The following POLA2 variants were observed in gnomAD, a reference collection of about 807,000 sequenced individuals.
POLA2 encodes the protein DNA polymerase alpha 2, accessory subunit, also known as DNA polymerase alpha subunit B.
A neutral mutation model predicts 82.8 loss-of-function variants in POLA2; 47 were observed. The observed-to-expected ratio is 0.57, with a 90% CI of 0.45 to 0.72. The LOEUF (loss-of-function observed/expected upper bound fraction) is 0.72. Ranked by LOEUF, POLA2 falls within the 30% of genes least tolerant of loss-of-function variation. POLA2 has a pLI of 0.00. For synonymous variants in POLA2, 287 were observed against 286.8 expected, an observed-to-expected ratio of 1.00 and a Z score of -0.01; for missense variants, 634 against 728.1, an observed-to-expected ratio of 0.87 and a Z score of 1.49.
intron 13 of POLA2, among the ~76,000 whole-genome samples, chr11:65,293,503 G>A (rs944718751): frequency 2.0e-5 from 3 of 151,730 alleles, no homozygotes; most frequent in Non-Finnish European, 2.9e-5. Context: ...GTAGCTACTC[G>A]GGAGGCTGAG....
chr11:65,299,751 G>T (rs901101127), downstream of POLA2, among the ~76,000 whole-genome samples: 1 of 152,196 alleles, frequency 6.6e-6, no homozygotes, highest in Non-Finnish European at 1.5e-5. Flanking sequence ...GAGTGCAGTG[G>T]CGCGATCTCG....
intron 1 of POLA2, among the ~76,000 whole-genome samples, chr11:65,263,643 C>T (rs574664644): frequency 2.0e-4 from 30 of 152,228 alleles, no homozygotes; most frequent in Non-Finnish European, 3.4e-4. Context: ...GCCTGACCAA[C>T]ATGGAGAAAC....
rs2301565 is a variant in POLA2, at chr11:65,289,128, A to G, written c.1170+40A>G. ...GTGGGAAGGGGTCCTGGGTACTTGA[A>G]TCCAGTCAGGCTCTCACTTTTCATT... is the stretch of plus-strand genomic sequence containing the variant. On this transcript the variant is annotated intron_variant, in intron 12 of 17. Coordinates refer to ENST00000265465, the MANE Select transcript of POLA2 (RefSeq NM_002689.4). 4.0e-4 allele frequency: 612 copies of G among 1,534,746 alleles called. 6 individuals carry two copies. The East Asian group carries it at 0.013, about 34-fold the overall frequency.
At chr11:65,266,974 G>A (rs760965606) in intron 2 of POLA2, among the ~76,000 whole-genome samples, 3 of 152,192 alleles carry the variant, frequency 2.0e-5, no homozygotes, top group African/African-American at 7.2e-5. Context: ...TTGGGAGGCC[G>A]AGGCAGGCAG....
Position 65,278,711 on chromosome 11 carries a change from C to T in POLA2, c.462-19C>T. On this transcript the variant is annotated intron_variant, in intron 5 of 17. Transcript: ENST00000265465. The stretch of plus-strand genomic sequence containing the variant: ...TAGATATGAACACAGTAATATTAAC[C>T]TGTTTTGCTTCCAATTAGTGCTACT... The T allele has an allele frequency of 6.2e-7, 1 of 1,600,406 alleles. No individual in the cohort carries two copies. The highest frequency in any genetic ancestry group is 1.1e-5 in the South Asian group (1 of 90,168).
intron 15 of POLA2, 149 bp from the exon 16 acceptor site, chr11:65,295,391 G>T: frequency 1.5e-6 from 1 of 680,544 alleles, no homozygotes; most frequent in Admixed American, 2.2e-5. Context: ...TTGTGGGTGG[G>T]TCTTTAAACT....
intron 16 of POLA2, 61 bp downstream of exon 16, chr11:65,295,660 A>T: frequency 1.4e-6 from 2 of 1,462,262 alleles, no homozygotes; most frequent in Non-Finnish European, 1.9e-6. Flanking sequence ...TGGAGCTATG[A>T]CAAGCATGAC....
At chr11:65,280,846 G>A (rs543008629) in intron 7 of POLA2, 146 bp from the exon 8 acceptor site, 53 of 700,852 alleles carry the variant, frequency 7.6e-5, no homozygotes, top group African/African-American at 4.5e-4. Context: ...GTGATGACGC[G>A]GTAGTCACCT....
intron 5 of POLA2, among the ~76,000 whole-genome samples, chr11:65,278,296 A>C (rs1949602377): frequency 6.6e-6 from 1 of 152,158 alleles, no homozygotes; most frequent in Non-Finnish European, 1.5e-5. Context: ...CCATATTGTG[A>C]GTTTTTATAT....
chr11:65,281,391 G>A (rs1949639713), intron 8 of POLA2, among the ~76,000 whole-genome samples: 1 of 152,156 alleles, frequency 6.6e-6, no homozygotes, highest in South Asian at 2.1e-4. Flanking sequence ...GCATGACTGT[G>A]CACAAGGTAC....
chr11:65,274,548 C>T (rs1949556435), intron 4 of POLA2, among the ~76,000 whole-genome samples: 1 of 150,736 alleles, frequency 6.6e-6, no homozygotes, highest in East Asian at 2.0e-4. Context: ...GATGTGGTGG[C>T]GGGCACCTGT....
At position 65,295,588 on chromosome 11, in the gene POLA2, G is replaced by A. The variant is rs756336856; in HGVS notation, c.1509G>A (p.Leu503=). 1 of 1,613,738 alleles carries A rather than the reference G, an allele frequency of 6.2e-7. No homozygotes were observed. Among genetic ancestry groups the A allele is most frequent in the East Asian group, 2.2e-5 (1 of 44,886 alleles). The change falls in exon 16 of 18, where the codon TTG becomes TTA. Residue 503 remains leucine, a synonymous_variant. Coordinates refer to ENST00000265465, the MANE Select transcript of POLA2 (RefSeq NM_002689.4). ...TCAGCCGAATACTCAAGCACATCTT[G>A]ACCCAGAGGAGGTGAGCTTGCCGCT... The part of the protein sequence containing the change: ...DRFSRILKHI[L]TQRSYYPLYP...
chr11:65,304,262 ACCATCCATCCTTTCTT>A (rs1321662232), intron 8 of POLA2, among the ~76,000 whole-genome samples: 2 of 150,480 alleles, frequency 1.3e-5, no homozygotes, highest in Non-Finnish European at 3.0e-5. Flanking sequence ...CATCCACGTA[ACCATCCATCCTTTCTT>A]CCATCCATCC....
intron 17 of POLA2, 23 bp from the exon 18 acceptor site, chr11:65,297,097 G>A (rs1231162467): frequency 5.6e-6 from 9 of 1,613,358 alleles, no homozygotes; most frequent in Non-Finnish European, 7.6e-6. Flanking sequence ...CTCCAAACCT[G>A]TCACCTCTCC....
At chr11:65,304,265 ATCCATCCTTTCT>A (rs780832815) in intron 8 of POLA2, among the ~76,000 whole-genome samples, 10 of 150,608 alleles carry the variant, frequency 6.6e-5, no homozygotes, top group Admixed American at 1.3e-4. Context: ...CCACGTAACC[ATCCATCCTTTCT>A]TCCATCCATC....
intron 1 of POLA2, among the ~76,000 whole-genome samples, chr11:65,264,892 A>G (rs1949441337): frequency 6.6e-6 from 1 of 152,036 alleles, no homozygotes; most frequent in African/African-American, 2.4e-5. Flanking sequence ...TACTCTGTTG[A>G]CCCTACTTCC....
In POLA2 at chr11:65,266,568, T is replaced by A. The variant is rs753957338; in HGVS notation, c.80-14T>A. On this transcript the variant is annotated splice_polypyrimidine_tract_variant and intron_variant, in intron 1 of 17. Coordinates refer to ENST00000265465, the MANE Select transcript of POLA2 (RefSeq NM_002689.4). ...TGAACTAAGTTTTTACTTGTCCAATTTTCCTTTCTACAGTGGTAGAGCTTT... is the reference window on the plus strand; with the variant it reads ...TGAACTAAGTTTTTACTTGTCCAATATTCCTTTCTACAGTGGTAGAGCTTT... 5 of 1,613,308 alleles carry A rather than the reference T, an allele frequency of 3.1e-6. No individual in the cohort carries two copies. In the South Asian group the frequency reaches 5.5e-5, roughly 18 times the overall value.
chr11:65,303,361 A>T (rs970463181), downstream of POLA2, among the ~76,000 whole-genome samples: 1 of 149,576 alleles, frequency 6.7e-6, no homozygotes. Flanking sequence ...AAAAAAAAAA[A>T]CCGAAGAAGG....
Position 65,282,530 on chromosome 11 carries a change from C to A in POLA2, c.1006+9C>A. ...CACTGAAGAGGATGCAGGTGAGTTT[C>A]GGTTCAAATATTGTTTTGCCAACAA... is the stretch of plus-strand genomic sequence containing the variant. On this transcript the variant is annotated intron_variant, in intron 10 of 17. Coordinates refer to ENST00000265465, the MANE Select transcript of POLA2 (RefSeq NM_002689.4). The A allele has an allele frequency of 6.2e-7, 1 of 1,610,444 alleles. No homozygotes were observed. Among genetic ancestry groups the A allele is most frequent in the Non-Finnish European group, 8.5e-7 (1 of 1,176,734 alleles).
Sources: allele counts gnomAD v4.1 joint callset (sites outside exome capture counted in the v4.1 genomes callset), GRCh38; gene constraint gnomAD v4.1.1; transcripts MANE v1.5; gene names NCBI Gene and HGNC (gene_info 2026-07-23, HGNC 2026-07-21).